The following TRIM33 variants were observed in gnomAD, a reference collection of about 807,000 sequenced individuals.
TRIM33 encodes E3 ubiquitin-protein ligase TRIM33.
A neutral mutation model predicts 125.4 loss-of-function variants in TRIM33; 20 were observed. That is an observed-to-expected ratio of 0.16 (90% CI 0.11 to 0.23). The LOEUF (loss-of-function observed/expected upper bound fraction) is 0.23, where lower values mean the gene tolerates loss of function less well. Among genes scored for constraint, TRIM33 ranks in the 10% least tolerant of loss-of-function variants. The pLI, the probability that TRIM33 is intolerant of heterozygous loss-of-function variation, is 1.00. For synonymous variants in TRIM33, 564 were observed against 513.9 expected, an observed-to-expected ratio of 1.10 and a Z score of -1.32; for missense variants, 920 against 1,411.4, an observed-to-expected ratio of 0.65 and a Z score of 5.58.
intron 4 of TRIM33, among the ~76,000 whole-genome samples, chr1:114,441,227 T>G (rs547360030): frequency 1.3e-5 from 2 of 152,298 alleles, no homozygotes; most frequent in African/African-American, 4.8e-5. Flanking sequence ...GTCCAAGAGT[T>G]TGAGGCTGCA....
In TRIM33 at chr1:114,410,297, C is replaced by T. The variant is rs780983289; in HGVS notation, c.2081G>A (p.Ser694Asn). Reference protein sequence around the residue: ...PPIQLEDAGSSSLDNLLSRYI... With the variant: ...PPIQLEDAGSNSLDNLLSRYI... ...TCTACTTAGTAGATTATCTAAACTACTTGAGCCAGCATCTTCCAACTGAAG... is the reference window on the plus strand; with the variant it reads ...TCTACTTAGTAGATTATCTAAACTATTTGAGCCAGCATCTTCCAACTGAAG... The change falls in exon 12 of 20, where the codon AGT becomes AAT. Residue 694 changes from serine to asparagine, a missense_variant. Around this residue, in one of 8 missense-constraint regions of TRIM33, gnomAD observed 407 missense variants for 589.7 expected, o/e 0.69. Coordinates refer to ENST00000358465, the MANE Select transcript of TRIM33 (RefSeq NM_015906.4). 7 of 1,612,680 alleles carry T rather than the reference C, an allele frequency of 4.3e-6. No homozygotes were observed. Among genetic ancestry groups the T allele is most frequent in the Non-Finnish European group, 5.9e-6 (7 of 1,179,682 alleles).
intron 11 of TRIM33, among the ~76,000 whole-genome samples, chr1:114,416,872 C>T (rs1312929106): frequency 1.3e-5 from 2 of 152,160 alleles, no homozygotes; most frequent in Non-Finnish European, 2.9e-5. Flanking sequence ...ACAATTAAAC[C>T]TCTTTTCTTT....
intron 1 of TRIM33, among the ~76,000 whole-genome samples, chr1:114,498,305 A>T (rs151015026): frequency 1.3e-3 from 197 of 152,266 alleles, no homozygotes; most frequent in Non-Finnish European, 2.2e-3. Flanking sequence ...TCCACAGAAA[A>T]AGAACAGAAT....
intron 1 of TRIM33, among the ~76,000 whole-genome samples, chr1:114,474,578 TAAAAAAAAA>T (rs34473575): frequency 1.1e-4 from 9 of 78,980 alleles, no homozygotes; most frequent in Non-Finnish European, 1.6e-4. Flanking sequence ...TGTCTCTATT[TAAAAAAAAA>T]AAAAAAAAAA....
At position 114,438,622 on chromosome 1, in the gene TRIM33, G is replaced by T. The variant is rs544215642; in HGVS notation, c.924-4889C>A. On this transcript the variant is annotated intron_variant, in intron 4 of 19. Coordinates refer to ENST00000358465, the MANE Select transcript of TRIM33 (RefSeq NM_015906.4). ...ACCTTTAGAAAAACTTAATGACTTAGATACTACTACTATTTTCATAGTTAA... is the reference window on the plus strand; with the variant it reads ...ACCTTTAGAAAAACTTAATGACTTATATACTACTACTATTTTCATAGTTAA... Among the ~76,000 whole-genome samples, 4 of 152,278 alleles carry T rather than the reference G, an allele frequency of 2.6e-5. No individual in the cohort carries two copies. The South Asian group carries it at 8.3e-4, about 32-fold the overall frequency.
chr1:114,479,967 C>T (rs924989926), intron 1 of TRIM33, among the ~76,000 whole-genome samples: 3 of 152,122 alleles, frequency 2.0e-5, no homozygotes, highest in African/African-American at 4.8e-5. Flanking sequence ...GCCGCCACCC[C>T]GTCTGGGAGG....
intron 11 of TRIM33, among the ~76,000 whole-genome samples, chr1:114,412,921 C>A (rs1652683976): frequency 6.6e-6 from 1 of 152,154 alleles, no homozygotes; most frequent in Non-Finnish European, 1.5e-5. Context: ...TTTAAAGAAA[C>A]CGCTGAACTT....
intron 4 of TRIM33, among the ~76,000 whole-genome samples, chr1:114,457,168 A>T (rs1649676166): frequency 6.6e-6 from 1 of 152,196 alleles, no homozygotes; most frequent in South Asian, 2.1e-4. Context: ...GACAGGCTGT[A>T]TCTGAACTGC....
chr1:114,441,370 G>A (rs1648640453), intron 4 of TRIM33, among the ~76,000 whole-genome samples: 1 of 152,178 alleles, frequency 6.6e-6, no homozygotes, highest in South Asian at 2.1e-4. Flanking sequence ...TATTCAAAGG[G>A]TAGGGATACC....
chr1:114,405,914 C>T (rs769942066), intron 14 of TRIM33, among the ~76,000 whole-genome samples, 155 bp from the exon 15 acceptor site: 21 of 152,084 alleles, frequency 1.4e-4, no homozygotes, highest in Non-Finnish European at 3.1e-4. Flanking sequence ...ATGACAATAA[C>T]CCCAAAATTA....
chr1:114,435,795 C>A (rs557992219), intron 4 of TRIM33, among the ~76,000 whole-genome samples: 1 of 151,112 alleles, frequency 6.6e-6, no homozygotes, highest in South Asian at 2.1e-4. Context: ...GGAACCATCA[C>A]GGCTCACTGC....
At position 114,510,589 on chromosome 1, in the gene TRIM33, A is replaced by T; in HGVS notation, c.488T>A (p.Val163Glu). The change falls in exon 1 of 20, where the codon GTG becomes GAG. Residue 163 changes from valine to glutamate, a missense_variant. Transcript: ENST00000358465. ...CLPEPERQLS[V>E]PIPGGSNGDI... ...GCCGTTGCTGCCCCCCGGGATGGGC[A>T]CGCTGAGCTGGCGCTCCGGCTCGGG... 1 of 1,541,774 alleles carries T rather than the reference A, an allele frequency of 6.5e-7. No homozygotes were observed. Among genetic ancestry groups the T allele is most frequent in the Non-Finnish European group, 8.7e-7 (1 of 1,149,016 alleles).
chr1:114,412,063 CCAAT>C (rs34819793), intron 11 of TRIM33, among the ~76,000 whole-genome samples: 22,182 of 151,916 alleles, frequency 0.15, 1,873 homozygotes, highest in Non-Finnish European at 0.19. Context: ...ACCAATTTCA[CCAAT>C]CAAAGAAATG....
intron 17 of TRIM33, among the ~76,000 whole-genome samples, chr1:114,400,211 T>C (rs576569621): frequency 4.1e-4 from 62 of 152,304 alleles, no homozygotes; most frequent in African/African-American, 1.0e-3. Context: ...GATTGACTAA[T>C]TGATTTTTGA....
At chr1:114,417,507 C>A (rs1383207458) in intron 11 of TRIM33, among the ~76,000 whole-genome samples, 1 of 152,100 alleles carries the variant, frequency 6.6e-6, no homozygotes, top group East Asian at 1.9e-4. Context: ...ACTGTACATA[C>A]CTCTGGCTGC....
chr1:114,446,332 A>G (rs1329522438), intron 4 of TRIM33, among the ~76,000 whole-genome samples: 1 of 152,192 alleles, frequency 6.6e-6, no homozygotes, highest in African/African-American at 2.4e-5. Context: ...AATATGAAAC[A>G]CCAGCTTTTA....
At position 114,413,628 on chromosome 1, in the gene TRIM33, T is replaced by TAAA. The variant is rs34538412; in HGVS notation, c.2062-3315_2062-3313dup. Among the ~76,000 whole-genome samples, 349 of 50,834 alleles carry TAAA rather than the reference T, an allele frequency of 6.9e-3. 7 individuals are homozygous for TAAA. Among genetic ancestry groups the TAAA allele is most frequent in the African/African-American group, 0.027 (314 of 11,832 alleles). 33.3% of individuals were successfully genotyped at this position (50,834 alleles called of 152,430 possible). On this transcript the variant is annotated intron_variant, in intron 11 of 19. Coordinates refer to ENST00000358465, the MANE Select transcript of TRIM33 (RefSeq NM_015906.4). The stretch of plus-strand genomic sequence containing the variant: ...AAGAAAAAGTCCAAAAGCAAAACTG[T>TAAA]AAAAAAAAAAAAAAAAAAAAAAAAG...
chr1:114,443,721 C>T (rs563005823), intron 4 of TRIM33, among the ~76,000 whole-genome samples: 1 of 152,068 alleles, frequency 6.6e-6, no homozygotes, highest in Admixed American at 6.5e-5. Context: ...ATACACAAAA[C>T]TGCAATAGGG....
chr1:114,446,533 C>T (rs1441564572), intron 4 of TRIM33, among the ~76,000 whole-genome samples: 1 of 152,068 alleles, frequency 6.6e-6, no homozygotes, highest in African/African-American at 2.4e-5. Context: ...AATTGCATAT[C>T]ACTATCCCCA....
Sources: allele counts gnomAD v4.1 joint callset (sites outside exome capture counted in the v4.1 genomes callset), GRCh38; gene constraint gnomAD v4.1.1; regional missense constraint gnomAD v4.1.1; transcripts MANE v1.5; gene names NCBI Gene and HGNC (gene_info 2026-07-23, HGNC 2026-07-21).